PLPPR5: variants seen among roughly 807,000 people sequenced by gnomAD.
PLPPR5 encodes the protein phospholipid phosphatase-related protein type 5.
PLPPR5 carries 16 observed loss-of-function variants against 33.9 expected under a neutral mutation model. That is an observed-to-expected ratio of 0.47 (90% CI 0.32 to 0.72). The LOEUF is 0.72. PLPPR5 is among the 30% of genes least tolerant of loss of function. PLPPR5 has a pLI of 0.03. For synonymous variants in PLPPR5, 163 were observed against 150.3 expected (o/e 1.08, Z -0.62); for missense variants, 301 against 406.7 (o/e 0.74, Z 2.23).
intron 1 of PLPPR5, among the ~76,000 whole-genome samples, chr1:98,998,400 C>G (rs1300653878): frequency 6.6e-6 from 1 of 152,116 alleles, no homozygotes; most frequent in Non-Finnish European, 1.5e-5. Flanking sequence ...GCCTTTAAAT[C>G]AAAACAATAG....
chr1:98,937,985 GC>G (rs1650235191), intron 3 of PLPPR5, among the ~76,000 whole-genome samples: 1 of 152,104 alleles, frequency 6.6e-6, no homozygotes, highest in South Asian at 2.1e-4. Flanking sequence ...TTCAAAGAAT[GC>G]CCACCTATAT....
chr1:98,950,039 T>C (rs1476029059), intron 3 of PLPPR5, among the ~76,000 whole-genome samples: 1 of 152,206 alleles, frequency 6.6e-6, no homozygotes, highest in African/African-American at 2.4e-5. Context: ...TACTGGATGC[T>C]GGTATTATGC....
intron 3 of PLPPR5, among the ~76,000 whole-genome samples, chr1:98,942,943 T>C (rs1015659549): frequency 6.6e-6 from 1 of 152,104 alleles, no homozygotes; most frequent in Non-Finnish European, 1.5e-5. Context: ...TTAATATCCA[T>C]GGGGATTACA....
chr1:98,922,987 A>C lies in PLPPR5; in HGVS notation c.622-929T>G, dbSNP rs1557670425. ...GTGACAGAGCGAGACTCTGTCTCAA[A>C]AACAACAACAACAACAAAAAAAAAC... is the stretch of plus-strand genomic sequence containing the variant. On this transcript the variant is annotated intron_variant, in intron 3 of 5. Coordinates refer to ENST00000263177, the MANE Select transcript of PLPPR5 (RefSeq NM_001037317.2). Among the ~76,000 whole-genome samples, 2 of 120,292 alleles carry C rather than the reference A, an allele frequency of 1.7e-5. 1 individual carries two copies. Among genetic ancestry groups the C allele is most frequent in the Admixed American group, 1.8e-4 (2 of 10,878 alleles). 78.9% of individuals were successfully genotyped at this position (120,292 alleles called of 152,430 possible). A position where few individuals can be genotyped will look rare whatever the true frequency, so the allele number is the denominator to read the frequency against.
chr1:98,915,187 G>A (rs552869990), intron 4 of PLPPR5, among the ~76,000 whole-genome samples: 22 of 152,108 alleles, frequency 1.4e-4, no homozygotes, highest in African/African-American at 4.6e-4. Flanking sequence ...TTTATTATTC[G>A]AAAATTTTCA....
intron 1 of PLPPR5, among the ~76,000 whole-genome samples, chr1:98,965,214 A>C (rs1243552331): frequency 6.6e-6 from 1 of 152,072 alleles, no homozygotes; most frequent in Non-Finnish European, 1.5e-5. Flanking sequence ...CCTCATTGGG[A>C]GGAAGAGATC....
In PLPPR5 at chr1:98,954,490, C is replaced by G. The variant is rs1444218283; in HGVS notation, c.371-1170G>C. Among the ~76,000 whole-genome samples the G allele has an allele frequency of 2.6e-5, 4 of 152,110 alleles. No individual in the cohort carries two copies. In the East Asian group the frequency reaches 5.8e-4, roughly 22 times the overall value. On this transcript the variant is annotated intron_variant, in intron 2 of 5. Coordinates refer to ENST00000263177, the MANE Select transcript of PLPPR5 (RefSeq NM_001037317.2). ...TTATTGGCTGTTGTATAGTATATCA[C>G]CATAAAAGTTGTACCAGATCAAATA...
chr1:98,989,628 A>G (rs1652380313), intron 1 of PLPPR5, among the ~76,000 whole-genome samples: 1 of 152,164 alleles, frequency 6.6e-6, no homozygotes, highest in South Asian at 2.1e-4. Flanking sequence ...GTAATCATCC[A>G]TGCTAAAGTT....
intron 1 of PLPPR5, among the ~76,000 whole-genome samples, chr1:99,001,093 T>C (rs553032616): frequency 2.6e-5 from 4 of 151,752 alleles, no homozygotes; most frequent in South Asian, 4.2e-4. Context: ...AGAGCTTAAA[T>C]AGATTGTTCA....
At chr1:98,971,159 C>T (rs1651642869) in intron 1 of PLPPR5, among the ~76,000 whole-genome samples, 1 of 151,966 alleles carries the variant, frequency 6.6e-6, no homozygotes, top group Non-Finnish European at 1.5e-5. Context: ...CAGCCTGCTA[C>T]TCCAAAATGT....
At chr1:98,951,408 G>A (rs1650780513) in intron 3 of PLPPR5, among the ~76,000 whole-genome samples, 1 of 152,134 alleles carries the variant, frequency 6.6e-6, no homozygotes, top group Non-Finnish European at 1.5e-5. Flanking sequence ...ATAGAGTTTG[G>A]GGACACAGTG....
At chr1:98,928,962 T>C (rs1649865768) in intron 3 of PLPPR5, among the ~76,000 whole-genome samples, 1 of 152,174 alleles carries the variant, frequency 6.6e-6, no homozygotes, top group South Asian at 2.1e-4. Flanking sequence ...GGCTACTTTT[T>C]AAATATGTTA....
rs770457865 is a variant in PLPPR5 at position 98,914,794 on chromosome 1, A to G, written c.925T>C (p.Ser309Pro). The change falls in exon 5 of 6, where the codon TCT becomes CCT. Residue 309 changes from serine to proline, a missense_variant. Transcript: ENST00000263177. Reference sequence around the variant, plus strand: ...TTTAAATTGTGAGTCACCTGTACAGATGTTACCTTTTCCAAAGGACTTTCT... The same window carrying G: ...TTTAAATTGTGAGTCACCTGTACAGGTGTTACCTTTTCCAAAGGACTTTCT... ...RVESPLEKVT[S>P]VQNHITAFAE... 6.2e-7 allele frequency: 1 copy of G among 1,612,482 alleles called. No individual in the cohort carries two copies. Among genetic ancestry groups the G allele is most frequent in the Non-Finnish European group, 8.5e-7 (1 of 1,179,338 alleles).
At chr1:99,002,922 T>C (rs945763963) in intron 1 of PLPPR5, among the ~76,000 whole-genome samples, 4 of 150,320 alleles carry the variant, frequency 2.7e-5, no homozygotes, top group Non-Finnish European at 5.9e-5. Context: ...GAAACCCCGA[T>C]CTCCAGAAAG....
At chr1:98,965,223 T>C (rs959272472) in intron 1 of PLPPR5, among the ~76,000 whole-genome samples, 11 of 152,246 alleles carry the variant, frequency 7.2e-5, no homozygotes, top group African/African-American at 2.6e-4. Flanking sequence ...GAGGAAGAGA[T>C]CTGCTCCTGA....
chr1:99,002,941 GC>G (rs1166808188), intron 1 of PLPPR5, among the ~76,000 whole-genome samples: 5 of 149,018 alleles, frequency 3.4e-5, no homozygotes, highest in African/African-American at 1.2e-4. Flanking sequence ...AGTAAAAAGG[GC>G]CCCCAAAAAT....
chr1:98,926,715 T>G (rs1278729804), intron 3 of PLPPR5, among the ~76,000 whole-genome samples: 2 of 152,212 alleles, frequency 1.3e-5, no homozygotes, highest in Non-Finnish European at 2.9e-5. Context: ...ATATTAGTTA[T>G]CTTTCTCCCA....
intron 1 of PLPPR5, among the ~76,000 whole-genome samples, chr1:98,997,996 G>GA (rs1652688025): frequency 6.6e-6 from 1 of 151,916 alleles, no homozygotes; most frequent in Non-Finnish European, 1.5e-5. Flanking sequence ...GGTGAAGGGA[G>GA]AAAAAAACAC....
At chr1:98,907,240 T>G (rs1183441666) in intron 5 of PLPPR5, among the ~76,000 whole-genome samples, 1 of 150,826 alleles carries the variant, frequency 6.6e-6, no homozygotes, top group Non-Finnish European at 1.5e-5. Context: ...CTCACTCTGT[T>G]GTCCAGGCTG....
Sources: allele counts gnomAD v4.1 joint callset (sites outside exome capture counted in the v4.1 genomes callset), GRCh38; gene constraint gnomAD v4.1.1; transcripts MANE v1.5; gene names NCBI Gene and HGNC (gene_info 2026-07-23, HGNC 2026-07-21).